Variants in DOCK1 observed in about 807,000 individuals in gnomAD.
DOCK1 encodes the protein dedicator of cytokinesis protein 1.
In DOCK1, 138 loss-of-function variants were observed where a neutral mutation model predicts 262.7. The ratio of observed to expected loss-of-function variants is 0.53; its 90% CI spans 0.46 to 0.61. The LOEUF (loss-of-function observed/expected upper bound fraction) is 0.61, where lower values mean the gene tolerates loss of function less well. DOCK1 is among the 20% of genes least tolerant of loss of function. The pLI, the probability that DOCK1 is intolerant of heterozygous loss-of-function variation, is 0.00. For missense variants in DOCK1, 1,908 were observed against 2,370.7 expected (o/e 0.80, Z 4.05); for synonymous variants, 866 against 867.4 (o/e 1.00, Z 0.03).
intron 28 of DOCK1, among the ~76,000 whole-genome samples, chr10:127,250,683 T>G (rs371090560): frequency 6.8e-6 from 1 of 146,308 alleles, no homozygotes; most frequent in East Asian, 2.2e-4. Context: ...TCCCAGCTAC[T>G]GGGGAGGCTG....
chr10:127,445,818 A>AT (rs1229507573), intron 50 of DOCK1, among the ~76,000 whole-genome samples: 1 of 152,262 alleles, frequency 6.6e-6, no homozygotes, highest in Non-Finnish European at 1.5e-5. Context: ...GCAATGGAAT[A>AT]TTACCCAGCC....
At chr10:127,234,441 C>T (rs555826582) in intron 27 of DOCK1, among the ~76,000 whole-genome samples, 1 of 152,100 alleles carries the variant, frequency 6.6e-6, no homozygotes, top group Non-Finnish European at 1.5e-5. Context: ...CCAAAAGACA[C>T]AAAAATAAAA....
chr10:127,223,565 C>T (rs997649438), intron 27 of DOCK1, among the ~76,000 whole-genome samples: 16 of 152,062 alleles, frequency 1.1e-4, no homozygotes, highest in Non-Finnish European at 1.6e-4. Context: ...AGATATTGAA[C>T]CGGTAAGTAT....
At chr10:127,019,159 T>G (rs2042225532) in intron 13 of DOCK1, among the ~76,000 whole-genome samples, 1 of 152,146 alleles carries the variant, frequency 6.6e-6, no homozygotes, top group African/African-American at 2.4e-5. Flanking sequence ...CTGCCCATTG[T>G]GAAGCCCACT....
At chr10:127,248,591 G>C (rs185375755) in intron 28 of DOCK1, among the ~76,000 whole-genome samples, 16 of 152,300 alleles carry the variant, frequency 1.1e-4, no homozygotes, top group African/African-American at 3.8e-4. Context: ...GTAAAACTAT[G>C]ATACAACTTA....
At chr10:126,954,196 G>A (rs1361888469) in intron 1 of DOCK1, among the ~76,000 whole-genome samples, 2 of 152,234 alleles carry the variant, frequency 1.3e-5, no homozygotes, top group South Asian at 2.1e-4. Flanking sequence ...CAATTGAAAT[G>A]ACTATTAAAA....
intron 29 of DOCK1, among the ~76,000 whole-genome samples, chr10:127,327,687 T>C (rs2062802142): frequency 6.6e-6 from 1 of 152,218 alleles, no homozygotes. Flanking sequence ...CCGCCATCTC[T>C]TGTATCTTTA....
At chr10:127,239,152 A>C (rs531944424) in intron 27 of DOCK1, among the ~76,000 whole-genome samples, 2 of 152,208 alleles carry the variant, frequency 1.3e-5, no homozygotes, top group African/African-American at 4.8e-5. Context: ...GAAAATAAGC[A>C]TTAGGCATTT....
chr10:126,953,197 T>C (rs1023445614), intron 1 of DOCK1, among the ~76,000 whole-genome samples: 1 of 151,216 alleles, frequency 6.6e-6, no homozygotes, highest in Non-Finnish European at 1.5e-5. Flanking sequence ...GCAGTGGAGG[T>C]GGTAGTGGTG....
At chr10:127,369,335 G>A (rs1458292671) in intron 33 of DOCK1, among the ~76,000 whole-genome samples, 1 of 152,118 alleles carries the variant, frequency 6.6e-6, no homozygotes, top group Non-Finnish European at 1.5e-5. Context: ...TGCCTAAAGA[G>A]GAAATATGGC....
At chr10:127,392,378 G>A (rs950122913) in intron 38 of DOCK1, among the ~76,000 whole-genome samples, 2 of 152,104 alleles carry the variant, frequency 1.3e-5, no homozygotes, top group African/African-American at 4.8e-5. Context: ...CAGTGGCTGT[G>A]GCTGCCACCT....
intron 28 of DOCK1, among the ~76,000 whole-genome samples, chr10:127,254,145 T>C (rs2059753828): frequency 6.6e-6 from 1 of 152,204 alleles, no homozygotes; most frequent in Non-Finnish European, 1.5e-5. Flanking sequence ...TCCTCCATTC[T>C]TTCCAAATTT....
At chr10:127,123,526 G>T (rs922584134) in intron 25 of DOCK1, among the ~76,000 whole-genome samples, 4 of 152,214 alleles carry the variant, frequency 2.6e-5, no homozygotes, top group African/African-American at 9.6e-5. Context: ...CCCTACGTCG[G>T]ATGCTGTGTT....
chr10:127,418,226 A>T, intron 44 of DOCK1, 139 bp from the exon 45 acceptor site: 1 of 939,476 alleles, frequency 1.1e-6, no homozygotes, highest in Non-Finnish European at 1.5e-6. Flanking sequence ...TAAAATGCCC[A>T]GCCACCCAAA....
At chr10:126,939,230 A>G (rs1010799169) in intron 1 of DOCK1, among the ~76,000 whole-genome samples, 2 of 152,082 alleles carry the variant, frequency 1.3e-5, no homozygotes, top group Non-Finnish European at 2.9e-5. Context: ...TGAAGGTTTC[A>G]TCCTCCTGAT....
At chr10:127,062,540 C>T (rs2045602924) in intron 23 of DOCK1, among the ~76,000 whole-genome samples, 1 of 152,192 alleles carries the variant, frequency 6.6e-6, no homozygotes, top group African/African-American at 2.4e-5. Flanking sequence ...AGATGAAGGG[C>T]TTCCTGTGGC....
chr10:127,122,817 A>G (rs1465493866), intron 25 of DOCK1, among the ~76,000 whole-genome samples: 2 of 152,056 alleles, frequency 1.3e-5, no homozygotes, highest in African/African-American at 4.8e-5. Flanking sequence ...GTAACCAAAG[A>G]TGGTTGATAG....
chr10:127,203,173 T>C lies in DOCK1; in HGVS notation c.2848-44835T>C, dbSNP rs535557271. Among the ~76,000 whole-genome samples, 19 of 152,348 alleles carry C rather than the reference T, an allele frequency of 1.2e-4. No homozygotes were observed. The East Asian group carries it at 3.7e-3, about 29-fold the overall frequency. ...CAGCTATTAAAATGATTCATCACAA[T>C]ATACGTATCCCATCTATACCACAAG... On this transcript the variant is annotated intron_variant, in intron 27 of 51. Coordinates refer to ENST00000623213, the MANE Select transcript of DOCK1 (RefSeq NM_001290223.2).
intron 1 of DOCK1, among the ~76,000 whole-genome samples, chr10:126,955,115 A>C (rs905624317): frequency 6.6e-6 from 1 of 152,118 alleles, no homozygotes; most frequent in Non-Finnish European, 1.5e-5. Flanking sequence ...CAAATGTATC[A>C]CAGTTTTTGT....
Sources: gnomAD v4.1 joint callset for allele counts (sites outside exome capture counted in the v4.1 genomes callset) on GRCh38, gnomAD v4.1.1 for gene constraint, MANE v1.5 for transcripts, NCBI Gene and HGNC (gene_info 2026-07-23, HGNC 2026-07-21) for gene names.